The following HOXA3 variants were observed in gnomAD, a reference collection of about 807,000 sequenced individuals.
HOXA3 encodes the protein homeobox A3.
In HOXA3, 8 loss-of-function variants were observed where a neutral mutation model predicts 30.3. That is an observed-to-expected ratio of 0.26 (90% confidence interval 0.15 to 0.48). The LOEUF (loss-of-function observed/expected upper bound fraction) is 0.48, where lower values mean the gene tolerates loss of function less well. Among genes scored for constraint, HOXA3 ranks in the 20% least tolerant of loss-of-function variants. HOXA3 has a pLI of 0.99. For synonymous variants in HOXA3, 323 were observed against 273.1 expected (o/e 1.18, Z -1.80); for missense variants, 653 against 614.4 (o/e 1.06, Z -0.66).
At chr7:27,129,926 A>C in intron 2 of HOXA3, 1 of 641,594 alleles carries the variant, frequency 1.6e-6, no homozygotes, top group Non-Finnish European at 2.7e-6. Flanking sequence ...GACCCTGGGT[A>C]CAAAAGGGTT....
At chr7:27,128,425 A>G (rs764951635) in intron 2 of HOXA3, 4 of 152,274 alleles carry the variant, frequency 2.6e-5, no homozygotes, top group Non-Finnish European at 5.9e-5. Flanking sequence ...AGCTCAAGCT[A>G]TCTACAAGGT....
chr7:27,132,708 C>T (rs1327875235), intron 2 of HOXA3, among the ~76,000 whole-genome samples: 3 of 152,166 alleles, frequency 2.0e-5, no homozygotes, highest in African/African-American at 7.2e-5. Flanking sequence ...GATACATCTA[C>T]CTGAACCAAT....
intron 2 of HOXA3, chr7:27,129,954 C>T: frequency 1.3e-6 from 1 of 748,798 alleles, no homozygotes; most frequent in Non-Finnish European, 2.1e-6. Flanking sequence ...TGGGATCAGG[C>T]GGCTGGCTGG....
chr7:27,117,739 T>G (rs1327214225), intron 4 of HOXA3, among the ~76,000 whole-genome samples: 3 of 152,090 alleles, frequency 2.0e-5, no homozygotes, highest in African/African-American at 7.2e-5. Flanking sequence ...CTGGGAGAGA[T>G]TCCCCTTCTC....
intron 3 of HOXA3, among the ~76,000 whole-genome samples, chr7:27,124,787 T>C (rs1398933248): frequency 1.3e-5 from 2 of 152,180 alleles, no homozygotes; most frequent in Admixed American, 6.5e-5. Flanking sequence ...GGGTCCTTTT[T>C]TTGGCTCTGC....
Position 27,110,359 on chromosome 7 carries a change from C to T in HOXA3, c.282G>A (p.Pro94=), listed in dbSNP as rs1412170236. The change falls in exon 5 of 6, where the codon CCG becomes CCA. Residue 94 remains proline, a synonymous_variant. Transcript: ENST00000612286. ...GTGGGGCAGGGGGCGCGGCCTGGGGCGGCGGCGGGTGCAGGGGCGGCTCTC... is the reference window on the plus strand; with the variant it reads ...GTGGGGCAGGGGGCGCGGCCTGGGGTGGCGGCGGGTGCAGGGGCGGCTCTC... The part of the protein sequence containing the change: ...SLGEPPLHPP[P]PQAAPPAPQP... 1 of 1,499,134 alleles carries T rather than the reference C, an allele frequency of 6.7e-7. No homozygotes were observed. The highest frequency in any genetic ancestry group is 1.3e-5 in the South Asian group (1 of 76,702). The allele number at this position is 1,499,134 out of a possible 1,614,324, so 92.9% of individuals were successfully genotyped here. A position where few individuals can be genotyped will look rare whatever the true frequency, so the allele number is the denominator to read the frequency against.
At chr7:27,109,975 C>T in intron 5 of HOXA3, 140 bp downstream of exon 5, 1 of 1,066,518 alleles carries the variant, frequency 9.4e-7, no homozygotes, top group Non-Finnish European at 1.4e-6. Flanking sequence ...ACTATGAAAA[C>T]CTTTTTGGTG....
At chr7:27,130,129 T>G (rs1228942317) in intron 2 of HOXA3, 2 of 1,601,934 alleles carry the variant, frequency 1.2e-6, no homozygotes, top group Non-Finnish European at 1.7e-6. Context: ...GGCGCTGACA[T>G]GGATCTTCTT....
chr7:27,147,883 C>T (rs1782833900), intron 1 of HOXA3: 3 of 851,598 alleles, frequency 3.5e-6, no homozygotes, highest in African/African-American at 1.7e-5. Flanking sequence ...CACCAGCTGA[C>T]GCGGCGGCGG....
At chr7:27,130,581 C>G (rs1302695179) in intron 2 of HOXA3, 9 of 1,504,624 alleles carry the variant, frequency 6.0e-6, no homozygotes, top group Non-Finnish European at 8.0e-6. Context: ...GCGGCAGGTG[C>G]TGGGTCGGGG....
At chr7:27,116,111 C>A (rs1456302998) in intron 4 of HOXA3, 1 of 152,700 alleles carries the variant, frequency 6.5e-6, no homozygotes, top group Non-Finnish European at 1.5e-5. Context: ...TCCCCCAAAA[C>A]CGCAGAGCTT....
intron 2 of HOXA3, chr7:27,130,125 G>A: frequency 6.2e-7 from 1 of 1,601,476 alleles, no homozygotes; most frequent in Non-Finnish European, 8.5e-7. Flanking sequence ...TACCGGCGCT[G>A]ACATGGATCT....
At chr7:27,147,666 G>C in intron 1 of HOXA3, 1 of 1,614,140 alleles carries the variant, frequency 6.2e-7, no homozygotes, top group Non-Finnish European at 8.5e-7. Context: ...AGCCAGCCTG[G>C]TAGAGGGGCA....
At chr7:27,140,463 T>C (rs901257464) in intron 1 of HOXA3, 13 of 152,246 alleles carry the variant, frequency 8.5e-5, no homozygotes, top group African/African-American at 3.1e-4. Flanking sequence ...GGCATCAGTG[T>C]AAGCAGTCGG....
intron 2 of HOXA3, chr7:27,130,495 C>A: frequency 7.8e-7 from 1 of 1,282,458 alleles, no homozygotes; most frequent in South Asian, 2.6e-5. Flanking sequence ...GGCGGGCTCG[C>A]GGGCGGTCCG....
intron 2 of HOXA3, chr7:27,130,620 C>G (rs1785510034): frequency 6.4e-7 from 1 of 1,560,276 alleles, no homozygotes; most frequent in East Asian, 2.4e-5. Context: ...AGCCGGGGCC[C>G]CCGCCCGGGC....
intron 1 of HOXA3, chr7:27,143,058 G>A (rs767519501): frequency 3.9e-6 from 6 of 1,529,252 alleles, no homozygotes; most frequent in Non-Finnish European, 5.2e-6. Context: ...TGACTTATGT[G>A]CAGCTTGCGC....
chr7:27,145,810 G>A, intron 1 of HOXA3: 1 of 1,614,272 alleles, frequency 6.2e-7, no homozygotes, highest in Non-Finnish European at 8.5e-7. Flanking sequence ...TCGATGCGGC[G>A]GCGCCGTGTC....
intron 1 of HOXA3, chr7:27,141,538 C>G (rs1782569500): frequency 8.4e-6 from 2 of 239,494 alleles, no homozygotes; most frequent in Non-Finnish European, 1.6e-5. Context: ...TTTTTTTTCT[C>G]TTTTCTTTTT....
Sources: gnomAD v4.1 joint callset for allele counts (sites outside exome capture counted in the v4.1 genomes callset) on GRCh38, gnomAD v4.1.1 for gene constraint, MANE v1.5 for transcripts, NCBI Gene and HGNC (gene_info 2026-07-23, HGNC 2026-07-21) for gene names.